CRYL1: variants seen among roughly 807,000 people sequenced by gnomAD.
CRYL1 encodes the protein crystallin lambda 1.
CRYL1 carries 29 observed loss-of-function variants against 36.6 expected under a neutral mutation model. The observed-to-expected ratio is 0.79, with a 90% CI of 0.59 to 1.08. CRYL1 has a LOEUF of 1.08. CRYL1 is among the 50% of genes least tolerant of loss of function. The pLI, the probability that CRYL1 is intolerant of heterozygous loss-of-function variation, is 0.00. For synonymous variants in CRYL1, 152 were observed against 151.5 expected, an observed-to-expected ratio of 1.00 and a Z score of -0.02; for missense variants, 411 against 407.9, an observed-to-expected ratio of 1.01 and a Z score of -0.06.
chr13:20,459,371 T>C (rs2032761072), intron 3 of CRYL1, among the ~76,000 whole-genome samples: 1 of 151,682 alleles, frequency 6.6e-6, no homozygotes, highest in Admixed American at 6.6e-5. Context: ...GGAATATAAA[T>C]CATTCTACTA....
At chr13:20,450,248 A>G (rs1158708260) in intron 3 of CRYL1, among the ~76,000 whole-genome samples, 1 of 152,184 alleles carries the variant, frequency 6.6e-6, no homozygotes, top group Non-Finnish European at 1.5e-5. Flanking sequence ...AGATGCACAG[A>G]CCAACTGAAC....
chr13:20,516,128 T>C (rs1593502896), intron 1 of CRYL1, among the ~76,000 whole-genome samples: 1 of 143,314 alleles, frequency 7.0e-6, no homozygotes, highest in Non-Finnish European at 1.5e-5. Flanking sequence ...GGGGAGGAGG[T>C]TGCGGTGAGC....
At chr13:20,441,895 A>G (rs904994527) in intron 3 of CRYL1, among the ~76,000 whole-genome samples, 3 of 152,200 alleles carry the variant, frequency 2.0e-5, no homozygotes, top group Admixed American at 1.3e-4. Flanking sequence ...CTTTTTAAAG[A>G]AACAAAAGTT....
intron 5 of CRYL1, among the ~76,000 whole-genome samples, chr13:20,423,301 C>T (rs570763066): frequency 3.9e-5 from 6 of 152,260 alleles, no homozygotes; most frequent in East Asian, 1.9e-4. Context: ...TTCCATACTA[C>T]GTTGGATAGA....
At chr13:20,468,177 T>C (rs570326934) in intron 3 of CRYL1, among the ~76,000 whole-genome samples, 41 of 152,348 alleles carry the variant, frequency 2.7e-4, no homozygotes, top group African/African-American at 9.4e-4. Context: ...TTATTCTGGG[T>C]CTTTCTGTAA....
At chr13:20,442,455 T>C (rs1350999050) in intron 3 of CRYL1, among the ~76,000 whole-genome samples, 1 of 152,072 alleles carries the variant, frequency 6.6e-6, no homozygotes, top group Non-Finnish European at 1.5e-5. Flanking sequence ...AAAAAGGGAG[T>C]CTGACAAATT....
At chr13:20,427,565 C>T (rs2031959164) in intron 5 of CRYL1, among the ~76,000 whole-genome samples, 1 of 152,016 alleles carries the variant, frequency 6.6e-6, no homozygotes, top group Non-Finnish European at 1.5e-5. Flanking sequence ...CAGCGTGGCT[C>T]CCCTCCACAA....
chr13:20,524,287 ATG>A (rs1403598306), intron 1 of CRYL1, among the ~76,000 whole-genome samples: 1 of 152,102 alleles, frequency 6.6e-6, no homozygotes, highest in Non-Finnish European at 1.5e-5. Flanking sequence ...GTGTATATAT[ATG>A]TGTGAGTGTA....
At chr13:20,463,232 C>T (rs536666876) in intron 3 of CRYL1, among the ~76,000 whole-genome samples, 11 of 152,296 alleles carry the variant, frequency 7.2e-5, no homozygotes, top group Admixed American at 3.9e-4. Flanking sequence ...GTAATATATG[C>T]TCATTGTCAA....
At chr13:20,508,546 G>A (rs1277911371) in intron 2 of CRYL1, among the ~76,000 whole-genome samples, 3 of 151,934 alleles carry the variant, frequency 2.0e-5, no homozygotes, top group African/African-American at 7.3e-5. Context: ...TTCCTGTGAT[G>A]CCTTTTAAAA....
chr13:20,487,623 T>C (rs887852544), intron 3 of CRYL1, among the ~76,000 whole-genome samples: 1 of 152,112 alleles, frequency 6.6e-6, no homozygotes, highest in Non-Finnish European at 1.5e-5. Context: ...CCTTAAAAAC[T>C]AAACTCACGG....
intron 3 of CRYL1, among the ~76,000 whole-genome samples, chr13:20,460,803 A>G (rs909541390): frequency 6.6e-5 from 10 of 151,988 alleles, no homozygotes; most frequent in African/African-American, 9.7e-5. Flanking sequence ...GGGATTACAG[A>G]CGTGAGCCAC....
chr13:20,429,338 T>A (rs2032002662), intron 5 of CRYL1, among the ~76,000 whole-genome samples: 1 of 152,154 alleles, frequency 6.6e-6, no homozygotes, highest in South Asian at 2.1e-4. Context: ...CAAATTCAAG[T>A]TCATCTGGCT....
chr13:20,412,679 G>A (rs1205370462), intron 6 of CRYL1, among the ~76,000 whole-genome samples: 1 of 152,076 alleles, frequency 6.6e-6, no homozygotes, highest in African/African-American at 2.4e-5. Context: ...TTCCCAAGTC[G>A]TCTTTCCTTT....
chr13:20,496,144 C>T (rs2033601316), intron 2 of CRYL1, among the ~76,000 whole-genome samples: 2 of 152,128 alleles, frequency 1.3e-5, no homozygotes, highest in African/African-American at 4.8e-5. Context: ...GTGAAATAAG[C>T]CAGACACAAA....
chr13:20,458,949 T>C (rs2032742526), intron 3 of CRYL1, among the ~76,000 whole-genome samples: 1 of 152,220 alleles, frequency 6.6e-6, no homozygotes, highest in South Asian at 2.1e-4. Flanking sequence ...CTGCTGGTGG[T>C]AATGTAAATT....
chr13:20,431,123 C>A, intron 5 of CRYL1: 1 of 985,434 alleles, frequency 1.0e-6, no homozygotes, highest in Non-Finnish European at 1.2e-6. Context: ...CGGGAGGCCA[C>A]ATCTGTGATG....
In CRYL1 at chr13:20,458,324, G is replaced by A. The variant is rs137917614; in HGVS notation, c.277-18570C>T. 5.0e-3 allele frequency among the ~76,000 whole-genome samples: 766 copies of A among 152,296 alleles called. 7 individuals carry two copies. Among genetic ancestry groups the A allele is most frequent in the African/African-American group, 0.018 (739 of 41,556 alleles). On this transcript the variant is annotated intron_variant, in intron 3 of 7. Transcript: ENST00000298248. Reference sequence around the variant, plus strand: ...AAAGGTACAAACCTAAGTAACAGGAGTGGTTATTTCCCTTTAAGCAATAAC... The same window carrying A: ...AAAGGTACAAACCTAAGTAACAGGAATGGTTATTTCCCTTTAAGCAATAAC...
intron 5 of CRYL1, among the ~76,000 whole-genome samples, chr13:20,421,493 A>G (rs1377902765): frequency 1.3e-5 from 2 of 152,158 alleles, no homozygotes; most frequent in African/African-American, 2.4e-5. Flanking sequence ...TTGATGGCCC[A>G]TAGGGCTCCA....
Sources: allele counts gnomAD v4.1 joint callset (sites outside exome capture counted in the v4.1 genomes callset), GRCh38; gene constraint gnomAD v4.1.1; transcripts MANE v1.5; gene names NCBI Gene and HGNC (gene_info 2026-07-23, HGNC 2026-07-21).